NEU3: variants seen among roughly 807,000 people sequenced by gnomAD.
The protein encoded by NEU3 is neuraminidase 3.
Under a neutral mutation model 11.4 loss-of-function variants are expected in NEU3, and 10 were observed. The observed-to-expected ratio is 0.88, with a 90% CI of 0.54 to 1.49. The LOEUF (loss-of-function observed/expected upper bound fraction) is 1.49, where lower values mean the gene tolerates loss of function less well. NEU3 is among the 40% of genes most tolerant of loss of function. The pLI, the probability that NEU3 is intolerant of heterozygous loss-of-function variation, is 0.00. For missense variants in NEU3, 529 were observed against 581.8 expected (o/e 0.91, Z 0.93); for synonymous variants, 212 against 228.2 (o/e 0.93, Z 0.64).
intron 2 of NEU3, 43 bp from the exon 3 acceptor site, chr11:75,005,370 C>T: frequency 1.3e-6 from 2 of 1,488,512 alleles, no homozygotes; most frequent in Non-Finnish European, 1.8e-6. Flanking sequence ...TCATGTTTTC[C>T]TATTAGTATC....
intron 2 of NEU3, among the ~76,000 whole-genome samples, chr11:74,999,624 T>A (rs998104216): frequency 1.3e-5 from 2 of 152,248 alleles, no homozygotes; most frequent in African/African-American, 2.4e-5. Flanking sequence ...ATATAATTAA[T>A]AATAGATACT....
intron 2 of NEU3, among the ~76,000 whole-genome samples, chr11:75,003,329 A>T (rs58156020): frequency 1.3e-5 from 2 of 152,336 alleles, no homozygotes; most frequent in East Asian, 3.9e-4. Flanking sequence ...GAGAATTAGT[A>T]GGATACCCTA....
At chr11:75,004,912 C>T (rs1948882487) in intron 2 of NEU3, among the ~76,000 whole-genome samples, 1 of 151,482 alleles carries the variant, frequency 6.6e-6, no homozygotes, top group Non-Finnish European at 1.5e-5. Context: ...TTCTTTCTTT[C>T]CTTTCCTTTC....
Position 75,006,691 on chromosome 11 carries a change from A to G in NEU3, c.*199A>G. 1.7e-6 allele frequency: 1 copy of G among 595,902 alleles called. No individual in the cohort carries two copies. 36.9% of individuals were successfully genotyped at this position (595,902 alleles called of 1,614,324 possible). On this transcript the variant is annotated 3_prime_UTR_variant, in exon 3 of 3. Coordinates refer to ENST00000294064, the MANE Select transcript of NEU3 (RefSeq NM_006656.6). ...AGCACTGAACTAGGAGTTGGAAGAC[A>G]AGGATGTGGTCCTGGCTCTGCCACT...
chr11:74,984,250 T>C (rs1179368588), upstream of NEU3, among the ~76,000 whole-genome samples: 2 of 152,250 alleles, frequency 1.3e-5, no homozygotes, highest in Non-Finnish European at 2.9e-5. Context: ...TGTCCAGGAA[T>C]GTTTGTATAG....
the NEU3 span, among the ~76,000 whole-genome samples, chr11:74,980,787 CT>C: frequency 6.6e-6 from 1 of 152,326 alleles, no homozygotes; most frequent in South Asian, 2.1e-4. Context: ...CTGGTTGTTG[CT>C]TACTCTCCTC....
At chr11:74,989,881 G>A (rs1948711436) in intron 1 of NEU3, 1 of 681,020 alleles carries the variant, frequency 1.5e-6, no homozygotes. Context: ...ATTATATCGA[G>A]CAGCAAGTAA....
rs1451264772 is a variant in NEU3 at position 75,009,635 on chromosome 11, T to C, written c.*3143T>C. ...GAGGACTACATAGGCCTCTGTTCTT[T>C]GCCCTCAGGAGCCCCCTTCCTGTCC... On this transcript the variant is annotated 3_prime_UTR_variant, in exon 3 of 3. Transcript: ENST00000294064. 9 of 152,298 alleles carry C rather than the reference T, an allele frequency of 5.9e-5. No individual in the cohort carries two copies. Among genetic ancestry groups the C allele is most frequent in the Non-Finnish European group, 1.2e-4 (8 of 68,110 alleles). The allele number at this position is 152,298 out of a possible 1,614,324, so 9.4% of individuals were successfully genotyped here.
chr11:74,983,200 C>G, the NEU3 span, among the ~76,000 whole-genome samples: 1 of 152,062 alleles, frequency 6.6e-6, no homozygotes. Flanking sequence ...GTGGATGGAG[C>G]CTCTAAACAT....
upstream of NEU3, among the ~76,000 whole-genome samples, chr11:74,986,462 A>T (rs972830481): frequency 6.6e-6 from 1 of 152,248 alleles, no homozygotes. Context: ...ATCTTTGTGA[A>T]TAGATTTTAA....
upstream of NEU3, chr11:74,988,162 C>G (rs1025307622): frequency 6.6e-6 from 1 of 151,972 alleles, no homozygotes; most frequent in Non-Finnish European, 1.5e-5. Context: ...TGTAAAATTT[C>G]TTCTTTTTAA....
Position 75,005,727 on chromosome 11 carries a change from G to T in NEU3, c.621G>T (p.Leu207=). Residue 207 remains leucine (L), a synonymous_variant, in exon 3 of 3, where the codon CTG becomes CTT. Transcript: ENST00000294064. ...GCATCCAGCTGCAGTCAGGGAGACT[G>T]GTCATCCCTGCGTATACCTACTACA... is the stretch of plus-strand genomic sequence containing the variant. ...GHGIQLQSGR[L]VIPAYTYYIP... is the part of the protein sequence containing the mutation. 6.2e-7 allele frequency: 1 copy of T among 1,613,900 alleles called. No homozygotes were observed. The highest frequency in any genetic ancestry group is 8.5e-7 in the Non-Finnish European group (1 of 1,179,786).
At chr11:74,982,524 A>G in the NEU3 span, among the ~76,000 whole-genome samples, 351 of 152,230 alleles carry the variant, frequency 2.3e-3, 3 homozygotes, top group Middle Eastern at 6.8e-3. Flanking sequence ...AGTTTTATCA[A>G]CCTACTCTAG....
At chr11:74,983,058 T>G in the NEU3 span, among the ~76,000 whole-genome samples, 15 of 152,074 alleles carry the variant, frequency 9.9e-5, no homozygotes, top group African/African-American at 3.6e-4. Flanking sequence ...AGGATAAAAT[T>G]CACAGATGTG....
Position 75,001,268 on chromosome 11 carries a change from C to CTTTTTCTTTTT in NEU3, c.307-4128_307-4118dup, listed in dbSNP as rs1463109466. Among the ~76,000 whole-genome samples, 3 of 146,280 alleles carry CTTTTTCTTTTT rather than the reference C, an allele frequency of 2.1e-5. No homozygotes were observed. In the East Asian group the frequency reaches 6.0e-4, roughly 29 times the overall value. ...GGCCATTACGTTTGTTCTTGTTTTT[C>CTTTTTCTTTTT]TTTTTCTTTTTTTTTTCTTTTTTTT... On this transcript the variant is annotated intron_variant, in intron 2 of 2. Transcript: ENST00000294064.
chr11:75,004,750 G>A (rs954395764), intron 2 of NEU3, among the ~76,000 whole-genome samples: 9 of 152,148 alleles, frequency 5.9e-5, no homozygotes, highest in African/African-American at 1.4e-4. Context: ...TGAACTAGGT[G>A]TCTCTGAATC....
upstream of NEU3, among the ~76,000 whole-genome samples, chr11:74,985,847 G>C (rs1591746769): frequency 6.6e-6 from 1 of 152,176 alleles, no homozygotes; most frequent in Non-Finnish European, 1.5e-5. Flanking sequence ...TTGAGGTTTG[G>C]TCATGTGGGC....
intron 2 of NEU3, among the ~76,000 whole-genome samples, chr11:75,003,887 C>CA (rs879624366): frequency 1.7e-3 from 233 of 136,102 alleles, no homozygotes; most frequent in Middle Eastern, 3.8e-3. Context: ...GACTCCATCT[C>CA]AAAAAAAAAA....
chr11:74,982,855 A>G, the NEU3 span, among the ~76,000 whole-genome samples: 1 of 152,150 alleles, frequency 6.6e-6, no homozygotes, highest in Non-Finnish European at 1.5e-5. Flanking sequence ...ATTACTTCCT[A>G]GTAACAACTG....
Sources: gnomAD v4.1 joint callset for allele counts (sites outside exome capture counted in the v4.1 genomes callset) on GRCh38, gnomAD v4.1.1 for gene constraint, MANE v1.5 for transcripts, NCBI Gene and HGNC (gene_info 2026-07-23, HGNC 2026-07-21) for gene names.